The following FAM200B variants were observed in gnomAD, a reference collection of about 807,000 sequenced individuals.
FAM200B encodes zinc finger BED-type containing 11.
FAM200B carries 32 observed loss-of-function variants against 33.1 expected under a neutral mutation model. The observed-to-expected ratio is 0.97, with a 90% CI of 0.73 to 1.30. The LOEUF is 1.30. FAM200B is among the 50% of genes most tolerant of loss of function. FAM200B has a pLI of 0.00. For missense variants in FAM200B, 741 were observed against 754.0 expected, an observed-to-expected ratio of 0.98 and a Z score of 0.20; for synonymous variants, 240 against 264.8, an observed-to-expected ratio of 0.91 and a Z score of 0.91.
chr4:15,653,779 T>C, the FAM200B span, among the ~76,000 whole-genome samples: 101 of 152,342 alleles, frequency 6.6e-4, no homozygotes, highest in African/African-American at 2.3e-3. Flanking sequence ...GCTTAACCAT[T>C]CCTCATGCTT....
At chr4:15,676,790 C>T (rs1718011374), upstream of FAM200B, among the ~76,000 whole-genome samples, 1 of 151,970 alleles carries the variant, frequency 6.6e-6, no homozygotes, top group South Asian at 2.1e-4. Flanking sequence ...TGAACACTTT[C>T]AGAATAAATA....
At chr4:15,674,728 C>T in the FAM200B span, among the ~76,000 whole-genome samples, 2 of 151,658 alleles carry the variant, frequency 1.3e-5, no homozygotes, top group East Asian at 3.9e-4. Context: ...TGGCTCACTG[C>T]AAGCTCCGCC....
the FAM200B span, among the ~76,000 whole-genome samples, chr4:15,657,756 C>T: frequency 6.6e-6 from 1 of 152,204 alleles, no homozygotes; most frequent in African/African-American, 2.4e-5. Flanking sequence ...AAATGACTGA[C>T]TTTACTGAAC....
upstream of FAM200B, among the ~76,000 whole-genome samples, chr4:15,677,928 A>T (rs1718055287): frequency 2.1e-5 from 2 of 93,424 alleles, no homozygotes; most frequent in Non-Finnish European, 4.9e-5. Flanking sequence ...TGTGGGACTG[A>T]GCGCTTAACC....
At chr4:15,638,951 G>A in the FAM200B span, among the ~76,000 whole-genome samples, 1 of 152,114 alleles carries the variant, frequency 6.6e-6, no homozygotes, top group Non-Finnish European at 1.5e-5. Flanking sequence ...GGTCACCTGA[G>A]GTCGGGAGTT....
At chr4:15,659,851 G>A in the FAM200B span, 4 of 399,842 alleles carry the variant, frequency 1.0e-5, no homozygotes, top group Non-Finnish European at 1.4e-5. Context: ...TGGCCTGAGG[G>A]AAAGGTGGCT....
At chr4:15,666,643 A>G in the FAM200B span, among the ~76,000 whole-genome samples, 5 of 152,028 alleles carry the variant, frequency 3.3e-5, no homozygotes, top group East Asian at 5.8e-4. Context: ...GAAGCCTGGG[A>G]AACATAGTGA....
chr4:15,680,428 T>C (rs1484471150), upstream of FAM200B, among the ~76,000 whole-genome samples: 1 of 152,208 alleles, frequency 6.6e-6, no homozygotes, highest in African/African-American at 2.4e-5. Context: ...CCCAGCACTT[T>C]GGGAGGCCCA....
At chr4:15,647,240 A>AAAAG in the FAM200B span, among the ~76,000 whole-genome samples, 3 of 133,730 alleles carry the variant, frequency 2.2e-5, no homozygotes, top group African/African-American at 5.7e-5. Flanking sequence ...AAAAAAAAAA[A>AAAAG]AAAGAAAGAA....
the FAM200B span, among the ~76,000 whole-genome samples, chr4:15,670,855 T>C: frequency 6.6e-6 from 1 of 151,684 alleles, no homozygotes; most frequent in East Asian, 1.9e-4. Context: ...ATCCTTTCAG[T>C]TGTTGTCTGA....
chr4:15,644,781 A>G, the FAM200B span: 1 of 1,072,664 alleles, frequency 9.3e-7, no homozygotes. Flanking sequence ...ATTCAAATAC[A>G]TCCCTATTCA....
chr4:15,681,199 G>A (rs1352402731), upstream of FAM200B: 1 of 152,104 alleles, frequency 6.6e-6, no homozygotes, highest in African/African-American at 2.4e-5. Context: ...AACACAATGC[G>A]ATTCTCTAAA....
the FAM200B span, among the ~76,000 whole-genome samples, chr4:15,649,919 TA>T: frequency 6.6e-6 from 1 of 152,180 alleles, no homozygotes; most frequent in Non-Finnish European, 1.5e-5. Flanking sequence ...ACCAAGTCCC[TA>T]AAACTCTAAC....
the FAM200B span, among the ~76,000 whole-genome samples, chr4:15,664,070 A>G: frequency 6.6e-6 from 1 of 152,332 alleles, no homozygotes; most frequent in South Asian, 2.1e-4. Flanking sequence ...AGCAGAGCCA[A>G]GATTCAAACT....
upstream of FAM200B, among the ~76,000 whole-genome samples, chr4:15,679,575 A>C (rs1343532070): frequency 6.6e-6 from 1 of 151,538 alleles, no homozygotes; most frequent in African/African-American, 2.4e-5. Context: ...AAAAAAAAAA[A>C]AACAAAAAAA....
At position 15,686,455 on chromosome 4, in the gene FAM200B, T is replaced by C. The variant is rs1365875983; in HGVS notation, c.-523T>C. 2.6e-5 allele frequency: 4 copies of C among 152,214 alleles called. No individual in the cohort carries two copies. Among genetic ancestry groups the C allele is most frequent in the African/African-American group, 9.7e-5 (4 of 41,438 alleles). 9.4% of individuals were successfully genotyped at this position (152,214 alleles called of 1,614,324 possible). A position where few individuals can be genotyped will look rare whatever the true frequency, so the allele number is the denominator to read the frequency against. ...AGTCTCTTTCATCATCAAGCAGACATACTCAAGGTACCAACACAGCAAAGG... is the reference window on the plus strand; with the variant it reads ...AGTCTCTTTCATCATCAAGCAGACACACTCAAGGTACCAACACAGCAAAGG... On this transcript the variant is annotated 5_prime_UTR_variant, in exon 2 of 2. Transcript: ENST00000422728.
chr4:15,657,275 G>A, the FAM200B span, among the ~76,000 whole-genome samples: 1 of 152,182 alleles, frequency 6.6e-6, no homozygotes, highest in Non-Finnish European at 1.5e-5. Context: ...ATGAGAACAT[G>A]CACTTTGTTT....
At chr4:15,676,850 T>A (rs1255990303), upstream of FAM200B, among the ~76,000 whole-genome samples, 1 of 152,158 alleles carries the variant, frequency 6.6e-6, no homozygotes, top group Non-Finnish European at 1.5e-5. Flanking sequence ...ACCTAATATA[T>A]CACTAGTCCA....
chr4:15,661,321 G>A, the FAM200B span, among the ~76,000 whole-genome samples: 1 of 152,238 alleles, frequency 6.6e-6, no homozygotes, highest in South Asian at 2.1e-4. Context: ...GTTGGAGTGT[G>A]GAACCAGTAT....
Sources: allele counts gnomAD v4.1 joint callset (sites outside exome capture counted in the v4.1 genomes callset), GRCh38; gene constraint gnomAD v4.1.1; transcripts MANE v1.5; gene names NCBI Gene and HGNC (gene_info 2026-07-23, HGNC 2026-07-21).